Variants in PPP2R5C observed in about 807,000 individuals in gnomAD.
PPP2R5C encodes the protein protein phosphatase 2 regulatory subunit B'gamma.
In PPP2R5C, 7 loss-of-function variants were observed where a neutral mutation model predicts 68.9. That is an observed-to-expected ratio of 0.10 (90% confidence interval 0.06 to 0.19). The LOEUF is 0.19. Among genes scored for constraint, PPP2R5C ranks in the 10% least tolerant of loss-of-function variants. The probability of loss-of-function intolerance (pLI) is 1.00; values close to 1 mark genes in which losing one functional copy is unlikely to be tolerated. For synonymous variants in PPP2R5C, 210 were observed against 222.2 expected, an observed-to-expected ratio of 0.95 and a Z score of 0.49; for missense variants, 348 against 641.3, an observed-to-expected ratio of 0.54 and a Z score of 4.94.
At chr14:101,923,723 C>A (rs1339513777) in intron 13 of PPP2R5C, among the ~76,000 whole-genome samples, 1 of 152,306 alleles carries the variant, frequency 6.6e-6, no homozygotes, top group Admixed American at 6.5e-5. Flanking sequence ...TGACAAAATT[C>A]TTTTTAAACC....
chr14:101,852,094 T>C (rs936444926), intron 1 of PPP2R5C, among the ~76,000 whole-genome samples: 3 of 152,200 alleles, frequency 2.0e-5, no homozygotes, highest in African/African-American at 7.2e-5. Flanking sequence ...AAAAACAACC[T>C]CCAGCACACA....
chr14:101,784,514 G>A (rs572579113), intron 2 of PPP2R5C, among the ~76,000 whole-genome samples: 3 of 150,508 alleles, frequency 2.0e-5, no homozygotes, highest in Admixed American at 6.6e-5. Flanking sequence ...AGAAAGTGGG[G>A]GGGGGGAACT....
intron 12 of PPP2R5C, chr14:101,914,557 G>A (rs117798077): frequency 0.054 from 8,977 of 166,414 alleles, 322 homozygotes; most frequent in South Asian, 0.088. Flanking sequence ...ATTGGTTTGC[G>A]GGCTTTGTTT....
At chr14:101,912,103 G>A (rs368649629) in intron 11 of PPP2R5C, among the ~76,000 whole-genome samples, 1 of 152,142 alleles carries the variant, frequency 6.6e-6, no homozygotes, top group Admixed American at 6.6e-5. Flanking sequence ...AATTATGTGG[G>A]TCCCATGAAG....
At chr14:101,880,589 A>G (rs1407218355) in intron 2 of PPP2R5C, among the ~76,000 whole-genome samples, 1 of 152,184 alleles carries the variant, frequency 6.6e-6, no homozygotes, top group Non-Finnish European at 1.5e-5. Context: ...TAAGCCCAGG[A>G]GTTTGAGACC....
upstream of PPP2R5C, among the ~76,000 whole-genome samples, chr14:101,809,395 AAAAAAAAAAC>A (rs1477173485): frequency 6.6e-6 from 1 of 150,836 alleles, no homozygotes; most frequent in African/African-American, 2.5e-5. Context: ...CATTTGTTAA[AAAAAAAAAAC>A]AAAAAAAAAA....
intron 2 of PPP2R5C, among the ~76,000 whole-genome samples, chr14:101,772,066 T>C (rs2037178570): frequency 1.3e-5 from 2 of 152,196 alleles, no homozygotes; most frequent in Admixed American, 1.3e-4. Flanking sequence ...AAAGTTCTGC[T>C]GGACAGAGCT....
intron 2 of PPP2R5C, among the ~76,000 whole-genome samples, chr14:101,780,225 C>T (rs2037609553): frequency 6.6e-6 from 1 of 152,106 alleles, no homozygotes; most frequent in African/African-American, 2.4e-5. Context: ...ATTAAATCTC[C>T]CCTCCCCTCC....
At chr14:101,873,869 C>T (rs2043583465) in intron 2 of PPP2R5C, among the ~76,000 whole-genome samples, 1 of 152,176 alleles carries the variant, frequency 6.6e-6, no homozygotes, top group Admixed American at 6.5e-5. Flanking sequence ...CACTTGTTCC[C>T]ATCTCAGGGA....
At chr14:101,924,976 A>C (rs1226730356) in intron 13 of PPP2R5C, among the ~76,000 whole-genome samples, 165 bp from the exon 16 acceptor site, 4 of 152,116 alleles carry the variant, frequency 2.6e-5, no homozygotes, top group African/African-American at 7.2e-5. Flanking sequence ...ATTTTTGGCA[A>C]ATTTCCATGA....
At chr14:101,912,818 CT>C (rs1229775277) in intron 12 of PPP2R5C, among the ~76,000 whole-genome samples, 2 of 152,218 alleles carry the variant, frequency 1.3e-5, no homozygotes, top group African/African-American at 4.8e-5. Context: ...ATTTCCCTTT[CT>C]TTTTCATATG....
At chr14:101,860,364 A>G (rs1457017123) in intron 2 of PPP2R5C, among the ~76,000 whole-genome samples, 1 of 152,226 alleles carries the variant, frequency 6.6e-6, no homozygotes, top group East Asian at 1.9e-4. Context: ...TCCACGTGCC[A>G]GTACCTCATG....
intron 2 of PPP2R5C, among the ~76,000 whole-genome samples, chr14:101,784,098 G>A (rs1175638847): frequency 2.6e-5 from 4 of 152,304 alleles, no homozygotes; most frequent in Non-Finnish European, 4.4e-5. Flanking sequence ...GAAGGGAACC[G>A]AGACCCCTGC....
chr14:101,856,807 T>C (rs2042448319), exon 2 of PPP2R5C: 1 of 1,614,208 alleles, frequency 6.2e-7, no homozygotes, highest in Middle Eastern at 1.6e-4. Flanking sequence ...AACGAGCTGC[T>C]TTAAGTGAAA....
chr14:101,799,687 A>C (rs2038775126), intron 3 of PPP2R5C, among the ~76,000 whole-genome samples: 1 of 152,220 alleles, frequency 6.6e-6, no homozygotes, highest in Non-Finnish European at 1.5e-5. Context: ...ACTCAATGCA[A>C]AGGTGACAGG....
chr14:101,905,041 G>A (rs1299334747), intron 9 of PPP2R5C, among the ~76,000 whole-genome samples: 1 of 152,230 alleles, frequency 6.6e-6, no homozygotes, highest in Non-Finnish European at 1.5e-5. Context: ...AGCTTTGTCT[G>A]TTTTTGAAAG....
intron 1 of PPP2R5C, among the ~76,000 whole-genome samples, chr14:101,854,985 C>T (rs1442589206): frequency 2.0e-5 from 3 of 152,092 alleles, no homozygotes; most frequent in Non-Finnish European, 4.4e-5. Flanking sequence ...GCCTGGCCAA[C>T]GTGGTGAAAC....
intron 1 of PPP2R5C, among the ~76,000 whole-genome samples, chr14:101,839,908 G>T (rs2041358165): frequency 1.3e-5 from 2 of 152,158 alleles, no homozygotes; most frequent in South Asian, 4.1e-4. Context: ...GGAGATGCCA[G>T]CAGTGTTCTC....
At chr14:101,826,543 G>T (rs556561523) in intron 1 of PPP2R5C, among the ~76,000 whole-genome samples, 1 of 152,256 alleles carries the variant, frequency 6.6e-6, no homozygotes, top group Non-Finnish European at 1.5e-5. Flanking sequence ...TAGCTCTGTT[G>T]TAAGCTTTAA....
Sources: gnomAD v4.1 joint callset for allele counts (sites outside exome capture counted in the v4.1 genomes callset) on GRCh38, gnomAD v4.1.1 for gene constraint, MANE v1.5 for transcripts, NCBI Gene and HGNC (gene_info 2026-07-23, HGNC 2026-07-21) for gene names.